Variants in RICTOR observed in about 807,000 individuals in gnomAD.
RICTOR encodes rapamycin-insensitive companion of mTOR.
In RICTOR, 49 loss-of-function variants were observed where a neutral mutation model predicts 214.9. The ratio of observed to expected loss-of-function variants is 0.23; its 90% CI spans 0.18 to 0.29. RICTOR has a LOEUF of 0.29. Ranked by LOEUF, RICTOR falls within the 10% of genes least tolerant of loss-of-function variation. The pLI is 1.00. For synonymous variants in RICTOR, 717 were observed against 711.3 expected, an observed-to-expected ratio of 1.01 and a Z score of -0.13; for missense variants, 1,625 against 2,047.0, an observed-to-expected ratio of 0.79 and a Z score of 3.98.
chr5:39,027,969 G>A (rs1433257938), intron 2 of RICTOR, among the ~76,000 whole-genome samples: 1 of 151,444 alleles, frequency 6.6e-6, no homozygotes, highest in Non-Finnish European at 1.5e-5. Flanking sequence ...AATAACCCAT[G>A]TAAAAACAGG....
At chr5:38,984,091 G>T (rs1751954913) in intron 7 of RICTOR, among the ~76,000 whole-genome samples, 1 of 151,730 alleles carries the variant, frequency 6.6e-6, no homozygotes, top group Non-Finnish European at 1.5e-5. Context: ...GAGTTTTTTT[G>T]GAGCAATTAT....
rs181135398 is a variant in RICTOR at position 39,011,503 on chromosome 5, A to T, written c.196-7881T>A. On this transcript the variant is annotated intron_variant, in intron 3 of 37. Transcript: ENST00000357387. ...ACTATCCTCCAGACCCCAGAATGGG[A>T]GATCCACCGACAGCTTGCACTGGGC... Among the ~76,000 whole-genome samples the T allele has an allele frequency of 5.7e-3, 863 of 152,278 alleles. 6 individuals are homozygous for T. The highest frequency in any genetic ancestry group is 8.6e-3 in the Non-Finnish European group (588 of 68,018).
At chr5:39,025,127 C>A (rs1043335891) in intron 2 of RICTOR, among the ~76,000 whole-genome samples, 1 of 152,120 alleles carries the variant, frequency 6.6e-6, no homozygotes, top group Non-Finnish European at 1.5e-5. Flanking sequence ...CAAAATGAAT[C>A]AGCCTTTCTC....
Position 38,954,918 on chromosome 5 carries a change from A to G in RICTOR, c.2610-57T>C. The G allele has an allele frequency of 5.0e-6, 4 of 800,492 alleles. No homozygotes were observed. The South Asian group carries it at 6.6e-5, about 13-fold the overall frequency. The allele number at this position is 800,492 out of a possible 1,614,324, so 49.6% of individuals were successfully genotyped here. A position where few individuals can be genotyped will look rare whatever the true frequency, so the allele number is the denominator to read the frequency against. On this transcript the variant is annotated intron_variant, in intron 26 of 37. Coordinates refer to ENST00000357387, the MANE Select transcript of RICTOR (RefSeq NM_152756.5). ...TGGCTAATTTAAATATGCTAATTAG[A>G]ACAAAAGAATTTTAATAAATGTTTG...
chr5:39,020,918 GA>G, intron 3 of RICTOR, 120 bp downstream of exon 3: 1 of 634,342 alleles, frequency 1.6e-6, no homozygotes, highest in Non-Finnish European at 2.9e-6. Context: ...AAGCAGGAAA[GA>G]AAAGCATTAA....
At chr5:38,955,368 G>T (rs1297849761) in intron 26 of RICTOR, among the ~76,000 whole-genome samples, 1 of 152,050 alleles carries the variant, frequency 6.6e-6, no homozygotes, top group East Asian at 1.9e-4. Context: ...ACTGGTAAGA[G>T]AATCTAGGCC....
chr5:38,976,918 T>C (rs1751278752), intron 9 of RICTOR, among the ~76,000 whole-genome samples: 1 of 152,218 alleles, frequency 6.6e-6, no homozygotes, highest in Non-Finnish European at 1.5e-5. Flanking sequence ...CTGGGTCCTG[T>C]GAACATGGTG....
Position 38,991,019 on chromosome 5 carries a change from T to C in RICTOR, c.513A>G (p.Ala171=), listed in dbSNP as rs1397846901. ...FPSSVTNSLI[A]VGNDGLQERD... ...TTTCTTGAAGTCCATCATTTCCAAC[T>C]GCAATTAATGAGTTGGTCACAGAAC... is the stretch of plus-strand genomic sequence containing the variant. Residue 171 remains alanine (A), a synonymous_variant, in exon 7 of 38, where the codon GCA becomes GCG. Coordinates refer to ENST00000357387, the MANE Select transcript of RICTOR (RefSeq NM_152756.5). The C allele has an allele frequency of 6.2e-7, 1 of 1,603,428 alleles. No individual in the cohort carries two copies.
chr5:38,944,948 G>C lies in RICTOR; in HGVS notation c.4754C>G (p.Ser1585Ter). Residue 1585 changes from serine to a stop codon, truncating the protein, a stop_gained, in exon 35 of 38, where the codon TCA becomes TGA. Transcript: ENST00000357387. LOFTEE classifies it high-confidence loss of function. The stretch of plus-strand genomic sequence containing the variant: ...TTCTGTGCTTTTGGTGCTGCTAGCT[G>C]AGCCTTCTTGAGACACCCCATCACT... ...GCSDGVSQEG[S>*]ASSTKSTELL... 6.2e-7 allele frequency: 1 copy of C among 1,614,044 alleles called. No homozygotes were observed. The highest frequency in any genetic ancestry group is 8.5e-7 in the Non-Finnish European group (1 of 1,179,972).
chr5:38,956,233 T>C (rs1749254475), intron 25 of RICTOR, among the ~76,000 whole-genome samples: 1 of 152,074 alleles, frequency 6.6e-6, no homozygotes, highest in South Asian at 2.1e-4. Flanking sequence ...ATTTCTAGAC[T>C]TTACCTTCAA....
In RICTOR at chr5:38,953,078, G is replaced by A. The variant is rs1748927857; in HGVS notation, c.2804C>T (p.Ser935Leu). The A allele has an allele frequency of 1.2e-6, 2 of 1,601,932 alleles. No individual in the cohort carries two copies. Among genetic ancestry groups the A allele is most frequent in the Non-Finnish European group, 8.5e-7 (1 of 1,170,664 alleles). ...TAGCAAATTGAGACCCCAATTTGAT[G>A]AGCCGATATTTCCCTGAAAGAAAAG... Reference protein sequence around the residue: ...ASLWALGNIGSSNWGLNLLQE... With the variant: ...ASLWALGNIGLSNWGLNLLQE... The change falls in exon 29 of 38, where the codon TCA becomes TTA. Residue 935 changes from serine to leucine, a missense_variant. This residue lies in a region of RICTOR where 1,214 missense variants were observed against 1,470.5 expected (regional missense o/e 0.83). Coordinates refer to ENST00000357387, the MANE Select transcript of RICTOR (RefSeq NM_152756.5).
chr5:39,060,396 A>G (rs955694986), intron 2 of RICTOR, among the ~76,000 whole-genome samples: 8 of 152,090 alleles, frequency 5.3e-5, no homozygotes, highest in African/African-American at 1.7e-4. Flanking sequence ...ACAGCACAAT[A>G]AAAGTAAAAA....
At chr5:39,054,356 G>A (rs1268631561) in intron 2 of RICTOR, among the ~76,000 whole-genome samples, 1 of 152,146 alleles carries the variant, frequency 6.6e-6, no homozygotes, top group African/African-American at 2.4e-5. Flanking sequence ...GGCAGTTAAA[G>A]TTGAATAAGG....
chr5:39,028,887 G>A (rs1163094048), intron 2 of RICTOR, among the ~76,000 whole-genome samples: 1 of 152,074 alleles, frequency 6.6e-6, no homozygotes, highest in Non-Finnish European at 1.5e-5. Context: ...GCCAGAGCAA[G>A]ACCCAGTCTC....
chr5:39,038,441 T>C (rs2150164207), intron 2 of RICTOR, among the ~76,000 whole-genome samples: 1 of 152,266 alleles, frequency 6.6e-6, no homozygotes, highest in East Asian at 1.9e-4. Context: ...ACCACTCCTA[T>C]TCAACATAGT....
rs10676528 is a variant in RICTOR at position 38,971,547 on chromosome 5, A to ATTTT, written c.972+326_972+329dup. 8.3e-3 allele frequency: 1,188 copies of ATTTT among 142,880 alleles called. 13 individuals are homozygous for ATTTT. Among genetic ancestry groups the ATTTT allele is most frequent in the African/African-American group, 0.016 (625 of 37,918 alleles). 8.9% of individuals were successfully genotyped at this position (142,880 alleles called of 1,614,324 possible). A position where few individuals can be genotyped will look rare whatever the true frequency, so the allele number is the denominator to read the frequency against. On this transcript the variant is annotated intron_variant, in intron 11 of 37. Coordinates refer to ENST00000357387, the MANE Select transcript of RICTOR (RefSeq NM_152756.5). ...GCCACCATGCCCAGCTAATTTTTGT[A>ATTTT]TTTTTTTTTTTTTTAAGTAGAGATG...
chr5:38,951,034 G>C (rs1748738966), intron 30 of RICTOR, among the ~76,000 whole-genome samples: 1 of 151,738 alleles, frequency 6.6e-6, no homozygotes, highest in Non-Finnish European at 1.5e-5. Context: ...GAAATTAAAG[G>C]GAAAAAGGAG....
At position 38,942,143 on chromosome 5, in the gene RICTOR, A is replaced by G. The variant is rs758907393; in HGVS notation, c.*161T>C. 3 of 427,800 alleles carry G rather than the reference A, an allele frequency of 7.0e-6. No individual in the cohort carries two copies. Among genetic ancestry groups the G allele is most frequent in the Non-Finnish European group, 1.3e-5 (3 of 233,468 alleles). The allele number at this position is 427,800 out of a possible 1,614,324, so 26.5% of individuals were successfully genotyped here. A position where few individuals can be genotyped will look rare whatever the true frequency, so the allele number is the denominator to read the frequency against. ...GAGAAGGAAGTTGTTTTGGTTAGGA[A>G]AGTCAGCAGTTCCAACTGTTCATGT... On this transcript the variant is annotated 3_prime_UTR_variant, in exon 38 of 38. Coordinates refer to ENST00000357387, the MANE Select transcript of RICTOR (RefSeq NM_152756.5).
In RICTOR at chr5:39,074,102, C is replaced by G; in HGVS notation, c.97+9G>C. ...GCGCCCTCGCGGCGCCCGCGGCGCC[C>G]CGCGTTACCTCGGGTCAGATCCAGC... On this transcript the variant is annotated intron_variant, in intron 2 of 37. Coordinates refer to ENST00000357387, the MANE Select transcript of RICTOR (RefSeq NM_152756.5). 6.4e-7 allele frequency: 1 copy of G among 1,563,076 alleles called. No homozygotes were observed. The highest frequency in any genetic ancestry group is 8.6e-7 in the Non-Finnish European group (1 of 1,157,812).
Sources: gnomAD v4.1 joint callset for allele counts (sites outside exome capture counted in the v4.1 genomes callset) on GRCh38, gnomAD v4.1.1 for gene constraint, gnomAD v4.1.1 regional missense constraint, MANE v1.5 for transcripts, NCBI Gene and HGNC (gene_info 2026-07-23, HGNC 2026-07-21) for gene names.